The following CDC42EP1 variants were observed in gnomAD, a reference collection of about 807,000 sequenced individuals.
CDC42EP1 encodes the protein CDC42 effector protein 1.
A neutral mutation model predicts 7.4 loss-of-function variants in CDC42EP1; 6 were observed. The ratio of observed to expected loss-of-function variants is 0.81; its 90% CI spans 0.44 to 1.60. The LOEUF (loss-of-function observed/expected upper bound fraction) is 1.60. Ranked by LOEUF, CDC42EP1 falls within the 40% of genes most tolerant of loss-of-function variation. CDC42EP1 has a pLI of 0.01. For synonymous variants in CDC42EP1, 238 were observed against 227.1 expected (o/e 1.05, Z -0.43); for missense variants, 567 against 539.0 (o/e 1.05, Z -0.51).
At chr22:37,560,667 C>T (rs1457275399) in intron 1 of CDC42EP1, 79 bp downstream of exon 1, 1 of 151,180 alleles carries the variant, frequency 6.6e-6, no homozygotes, top group Non-Finnish European at 1.5e-5. Context: ...GGACTCTGCA[C>T]CCTACTAGGC....
chr22:37,566,247 T>G lies in CDC42EP1; in HGVS notation c.-103T>G, dbSNP rs1329697306. 5.9e-6 allele frequency: 4 copies of G among 676,004 alleles called. No individual in the cohort carries two copies. The highest frequency in any genetic ancestry group is 9.7e-6 in the Non-Finnish European group (4 of 411,548). The allele number at this position is 676,004 out of a possible 1,614,324, so 41.9% of individuals were successfully genotyped here. On this transcript the variant is annotated 5_prime_UTR_variant, in exon 2 of 3. Transcript: ENST00000249014. This position sits in a 1 kb window ranked among gnomAD's most constrained non-coding sequence, Gnocchi z 6.4. Reference sequence around the variant, plus strand: ...ACCTTAGGAGAGTGCCATTTACAGCTTCCGCCAGGGCAAAGGAGCTGAGCA... The same window carrying G: ...ACCTTAGGAGAGTGCCATTTACAGCGTCCGCCAGGGCAAAGGAGCTGAGCA...
Position 37,566,360 on chromosome 22 carries a change from C to T in CDC42EP1, c.11C>T (p.Pro4Leu). The T allele has an allele frequency of 6.6e-7, 1 of 1,526,228 alleles. No homozygotes were observed. Among genetic ancestry groups the T allele is most frequent in the Non-Finnish European group, 8.8e-7 (1 of 1,133,580 alleles). The allele number at this position is 1,526,228 out of a possible 1,614,324, so 94.5% of individuals were successfully genotyped here. MPG[P>L]QGGRGAATMS... ...GAGCAGCCAGAGCTGATGCCCGGCCCCCAGGGGGGCAGAGGCGCCGCCACC... is the reference window on the plus strand; with the variant it reads ...GAGCAGCCAGAGCTGATGCCCGGCCTCCAGGGGGGCAGAGGCGCCGCCACC... The change falls in exon 2 of 3, where the codon CCC (proline) becomes CTC (leucine). Residue 4 changes from proline (P) to leucine (L), a missense_variant. By Grantham distance (98) the Pro-to-Leu change is moderately conservative. Coordinates refer to ENST00000249014, the MANE Select transcript of CDC42EP1 (RefSeq NM_152243.3). The surrounding 1 kb of genome is among the most constrained non-coding windows in gnomAD (Gnocchi z 6.4).
intron 1 of CDC42EP1, among the ~76,000 whole-genome samples, chr22:37,565,060 G>A (rs1329918175): frequency 1.3e-5 from 2 of 152,138 alleles, no homozygotes; most frequent in Non-Finnish European, 2.9e-5. Flanking sequence ...ATACAGGCGT[G>A]AGCCACCGCG....
At chr22:37,560,939 G>T (rs947803707) in intron 1 of CDC42EP1, among the ~76,000 whole-genome samples, 13 of 151,840 alleles carry the variant, frequency 8.6e-5, no homozygotes, top group African/African-American at 2.9e-4. Context: ...GGCGGGCAGC[G>T]GGCGACGCGG....
Position 37,568,212 on chromosome 22 carries a change from T to G in CDC42EP1, c.568T>G (p.Ser190Ala). The change falls in exon 3 of 3, where the codon TCT becomes GCT. Residue 190 changes from serine to alanine, a missense_variant. Ser to Ala is a moderately conservative substitution (Grantham distance 99, BLOSUM62 1). Transcript: ENST00000249014. ...CCCCTCTGAGCCCGGGCTTCGCCGCTCTGACTCTCTCTTGTCCTTCCGCCT... is the reference window on the plus strand; with the variant it reads ...CCCCTCTGAGCCCGGGCTTCGCCGCGCTGACTCTCTCTTGTCCTTCCGCCT... Reference protein sequence around the residue: ...SFPSEPGLRRSDSLLSFRLDL... With the variant: ...SFPSEPGLRRADSLLSFRLDL... The G allele has an allele frequency of 6.2e-7, 1 of 1,613,690 alleles. No individual in the cohort carries two copies. The highest frequency in any genetic ancestry group is 8.5e-7 in the Non-Finnish European group (1 of 1,179,912).
At position 37,569,072 on chromosome 22, in the gene CDC42EP1, C is replaced by G; in HGVS notation, c.*252C>G. The G allele has an allele frequency of 2.9e-6, 1 of 350,118 alleles. No individual in the cohort carries two copies. Among genetic ancestry groups the G allele is most frequent in the Admixed American group, 4.7e-5 (1 of 21,440 alleles). The allele number at this position is 350,118 out of a possible 1,614,324, so 21.7% of individuals were successfully genotyped here. A position where few individuals can be genotyped will look rare whatever the true frequency, so the allele number is the denominator to read the frequency against. ...TGGACCTAATAGCTGTTCCTTAGGC[C>G]CCACTCCATGCCACCCCCACCAGCT... On this transcript the variant is annotated 3_prime_UTR_variant, in exon 3 of 3. Coordinates refer to ENST00000249014, the MANE Select transcript of CDC42EP1 (RefSeq NM_152243.3).
chr22:37,567,746 C>T (rs966982137), intron 2 of CDC42EP1, among the ~76,000 whole-genome samples: 5 of 152,186 alleles, frequency 3.3e-5, no homozygotes, highest in Non-Finnish European at 7.3e-5. Context: ...GGCAGGGAGC[C>T]GGTGGCCATG....
rs111307192 is a variant in CDC42EP1, at chr22:37,566,733, C to A, written c.384C>A (p.Ala128=). 259 of 1,610,598 alleles carry A rather than the reference C, an allele frequency of 1.6e-4. No individual in the cohort carries two copies. The highest frequency in any genetic ancestry group is 3.4e-4 in the South Asian group (31 of 90,688). Residue 128 remains alanine (A), a synonymous_variant, in exon 2 of 3, where the codon GCC becomes GCA. Coordinates refer to ENST00000249014, the MANE Select transcript of CDC42EP1 (RefSeq NM_152243.3). The surrounding 1 kb of genome is among the most constrained non-coding windows in gnomAD (Gnocchi z 6.4). ...TCTCCCTGCCCCAGCTCAACCAGGCCGCCTACGACAGCCTCGTGGTTGGCA... is the reference window on the plus strand; with the variant it reads ...TCTCCCTGCCCCAGCTCAACCAGGCAGCCTACGACAGCCTCGTGGTTGGCA... ...NAISLPQLNQ[A]AYDSLVVGKL...
Position 37,566,475 on chromosome 22 carries a change from C to G in CDC42EP1, c.126C>G (p.Leu42=), listed in dbSNP as rs774551485. The change falls in exon 2 of 3, where the codon CTC becomes CTG. Residue 42 remains leucine, a synonymous_variant. Transcript: ENST00000249014. The surrounding 1 kb of genome is among the most constrained non-coding windows in gnomAD (Gnocchi z 6.4). ...RLTADMISHP[L]GDFRHTMHVG... is the part of the protein sequence containing the mutation. ...CTGCAGACATGATCAGCCACCCACT[C>G]GGGGACTTCCGCCACACCATGCATG... is the stretch of plus-strand genomic sequence containing the variant. The G allele has an allele frequency of 9.9e-6, 16 of 1,613,148 alleles. No homozygotes were observed. The Admixed American group carries it at 1.5e-4, about 15-fold the overall frequency.
rs755853667 is a variant in CDC42EP1, at chr22:37,566,305, G to A, written c.-45G>A. On this transcript the variant is annotated 5_prime_UTR_variant, in exon 2 of 3. Transcript: ENST00000249014. This position sits in a 1 kb window ranked among gnomAD's most constrained non-coding sequence, Gnocchi z 6.4. ...CAAGCCCAGCCCACCTCCCTCCCCC[G>A]GCCCCTGGTAGGCATGGACTAGCAG... is the stretch of plus-strand genomic sequence containing the variant. 1.4e-4 allele frequency: 23 copies of A among 162,036 alleles called. 1 individual carries two copies. The highest frequency in any genetic ancestry group is 2.0e-4 in the Non-Finnish European group (17 of 87,132). 10.0% of individuals were successfully genotyped at this position (162,036 alleles called of 1,614,324 possible).
chr22:37,563,495 T>C (rs1017466758), intron 1 of CDC42EP1, among the ~76,000 whole-genome samples: 5 of 148,400 alleles, frequency 3.4e-5, no homozygotes, highest in African/African-American at 1.2e-4. Context: ...ATTCAGAAGT[T>C]CCCCCCCACG....
In CDC42EP1 at chr22:37,568,596, G is replaced by A. The variant is rs984237298; in HGVS notation, c.952G>A (p.Gly318Ser). The change falls in exon 3 of 3, where the codon GGC becomes AGC. Residue 318 changes from glycine (G) to serine (S), a missense_variant. Gly to Ser is a moderately conservative substitution (Grantham distance 56). Transcript: ENST00000249014. ...GPRGPAGPAL[G>S]RHWGAGWDGG... is the part of the protein sequence containing the mutation. ...CCGAGGACCTGCTGGCCCTGCCCTC[G>A]GCAGGCACTGGGGAGCAGGCTGGGA... The A allele has an allele frequency of 6.3e-6, 10 of 1,598,128 alleles. No homozygotes were observed. The highest frequency in any genetic ancestry group is 2.3e-5 in the East Asian group (1 of 44,300).
intron 1 of CDC42EP1, chr22:37,563,872 T>C (rs1312123080): frequency 6.6e-6 from 1 of 152,266 alleles, no homozygotes; most frequent in East Asian, 1.9e-4. Context: ...TGTTTTGGCA[T>C]GCAGGTTATC....
At position 37,568,691 on chromosome 22, in the gene CDC42EP1, C is replaced by G. The variant is rs772819049; in HGVS notation, c.1047C>G (p.Ala349=). Residue 349 remains alanine (A), a synonymous_variant, in exon 3 of 3, where the codon GCC becomes GCG. Transcript: ENST00000249014. ...ERVEVLPQAR[A]SWESLDEEWR... is the part of the protein sequence containing the mutation. ...TGGAGGTGCTGCCCCAAGCCCGGGC[C>G]TCCTGGGAGAGCCTGGACGAAGAGT... The G allele has an allele frequency of 1.9e-6, 3 of 1,542,624 alleles. No homozygotes were observed. The highest frequency in any genetic ancestry group is 2.0e-5 in the Admixed American group (1 of 50,648).
Position 37,568,709 on chromosome 22 carries a change from C to T in CDC42EP1, c.1065C>T (p.Asp355=), listed in dbSNP as rs183038900. 75 of 1,535,476 alleles carry T rather than the reference C, an allele frequency of 4.9e-5. No individual in the cohort carries two copies. The Middle Eastern group carries it at 8.8e-4, about 18-fold the overall frequency. The change falls in exon 3 of 3, where the codon GAC becomes GAT. Residue 355 remains aspartate, a synonymous_variant. Coordinates refer to ENST00000249014, the MANE Select transcript of CDC42EP1 (RefSeq NM_152243.3). ...CCCGGGCCTCCTGGGAGAGCCTGGA[C>T]GAAGAGTGGAGGGCGCCCCAGGCAG... ...PQARASWESL[D]EEWRAPQAGS...
In CDC42EP1 at chr22:37,566,605, C is replaced by G. The variant is rs748423187; in HGVS notation, c.256C>G (p.Leu86Val). Residue 86 changes from leucine to valine, a missense_variant, in exon 2 of 3, where the codon CTG becomes GTG. By Grantham distance (32) the Leu-to-Val change is conservative. Transcript: ENST00000249014. The surrounding 1 kb of genome is among the most constrained non-coding windows in gnomAD (Gnocchi z 6.4). Reference protein sequence around the residue: ...RSPRSFLAKKLQLVRRVGAPP... With the variant: ...RSPRSFLAKKVQLVRRVGAPP... ...ACCCCGCAGCTTCCTGGCCAAGAAGCTGCAGCTGGTGCGGAGGGTGGGGGC... is the reference window on the plus strand; with the variant it reads ...ACCCCGCAGCTTCCTGGCCAAGAAGGTGCAGCTGGTGCGGAGGGTGGGGGC... The G allele has an allele frequency of 4.5e-5, 72 of 1,598,416 alleles. No homozygotes were observed. Among genetic ancestry groups the G allele is most frequent in the Non-Finnish European group, 1.8e-5 (21 of 1,169,484 alleles).
Position 37,569,155 on chromosome 22 carries a change from G to C in CDC42EP1, c.*335G>C, listed in dbSNP as rs574294353. ...CCAGACCAAGCGGCCCGTGGGGGGT[G>C]GGGGGCAGGGAGTGTACCACACAGG... On this transcript the variant is annotated 3_prime_UTR_variant, in exon 3 of 3. Coordinates refer to ENST00000249014, the MANE Select transcript of CDC42EP1 (RefSeq NM_152243.3). 2 of 207,478 alleles carry C rather than the reference G, an allele frequency of 9.6e-6. No homozygotes were observed. The highest frequency in any genetic ancestry group is 4.6e-5 in the African/African-American group (2 of 43,560). 12.9% of individuals were successfully genotyped at this position (207,478 alleles called of 1,614,324 possible). A position where few individuals can be genotyped will look rare whatever the true frequency, so the allele number is the denominator to read the frequency against.
intron 1 of CDC42EP1, among the ~76,000 whole-genome samples, chr22:37,561,020 G>A (rs1245421656): frequency 1.3e-5 from 2 of 152,080 alleles, no homozygotes; most frequent in South Asian, 2.1e-4. Flanking sequence ...CGGGGAGATG[G>A]ACAGGCACCC....
intron 1 of CDC42EP1, among the ~76,000 whole-genome samples, chr22:37,560,931 C>G (rs1925014141): frequency 7.0e-6 from 1 of 142,558 alleles, no homozygotes; most frequent in Non-Finnish European, 1.5e-5. Flanking sequence ...AGGGCCGGGG[C>G]GGGCAGCGGG....
Sources: gnomAD v4.1 joint callset for allele counts (sites outside exome capture counted in the v4.1 genomes callset) on GRCh38, gnomAD v4.1.1 for gene constraint, Gnocchi (gnomAD v3.1) non-coding constraint, MANE v1.5 for transcripts, NCBI Gene and HGNC (gene_info 2026-07-23, HGNC 2026-07-21) for gene names.